Variants in ZNF532 observed in about 807,000 individuals in gnomAD.
The protein encoded by ZNF532 is zinc finger protein 532.
Under a neutral mutation model 89.3 loss-of-function variants are expected in ZNF532, and 22 were observed. That is an observed-to-expected ratio of 0.25 (90% CI 0.18 to 0.35). The LOEUF (loss-of-function observed/expected upper bound fraction) is 0.35, where lower values mean the gene tolerates loss of function less well. ZNF532 is among the 10% of genes least tolerant of loss of function. The pLI is 1.00. For missense variants in ZNF532, 1,132 were observed against 1,643.4 expected (o/e 0.69, Z 5.38); for synonymous variants, 606 against 649.6 (o/e 0.93, Z 1.02).
intron 2 of ZNF532, among the ~76,000 whole-genome samples, chr18:58,888,741 T>TTTTATATATATATAAAATATATAA (rs1555709058): frequency 3.3e-5 from 1 of 30,444 alleles, no homozygotes; most frequent in Admixed American, 6.7e-4. Context: ...TATATATATA[T>TTTTATATATATATAAAATATATAA]TTTATATATA....
At chr18:58,897,688 C>T (rs1224450627) in intron 2 of ZNF532, among the ~76,000 whole-genome samples, 1 of 152,192 alleles carries the variant, frequency 6.6e-6, no homozygotes, top group Non-Finnish European at 1.5e-5. Flanking sequence ...CGCGGTGGCT[C>T]ACACCTGTAA....
chr18:58,891,334 A>T (rs1382324899), intron 2 of ZNF532, among the ~76,000 whole-genome samples: 1 of 152,178 alleles, frequency 6.6e-6, no homozygotes, highest in Admixed American at 6.5e-5. Flanking sequence ...GTTTGAGACA[A>T]GCTTGGCCAA....
At chr18:58,868,269 C>G (rs150245857) in intron 2 of ZNF532, among the ~76,000 whole-genome samples, 1 of 152,170 alleles carries the variant, frequency 6.6e-6, no homozygotes, top group African/African-American at 2.4e-5. Flanking sequence ...CACACACCTT[C>G]GTGTTCATTT....
intron 3 of ZNF532, among the ~76,000 whole-genome samples, chr18:58,929,789 T>C (rs2061800879): frequency 1.3e-5 from 2 of 152,380 alleles, no homozygotes; most frequent in South Asian, 4.1e-4. Flanking sequence ...CCATTTCTGC[T>C]GTATTTGCTT....
intron 7 of ZNF532, among the ~76,000 whole-genome samples, chr18:58,976,723 G>A (rs1435683450): frequency 1.3e-5 from 2 of 152,054 alleles, no homozygotes; most frequent in African/African-American, 2.4e-5. Context: ...AGTAGAGACG[G>A]GGTTTCACCA....
chr18:58,920,027 G>C lies in ZNF532; in HGVS notation c.1740G>C (p.Val580=), dbSNP rs1264353179. The C allele has an allele frequency of 6.2e-7, 1 of 1,613,678 alleles. No homozygotes were observed. Among genetic ancestry groups the C allele is most frequent in the Admixed American group, 1.7e-5 (1 of 59,962 alleles). The change falls in exon 3 of 10, where the codon GTG becomes GTC. Residue 580 remains valine, a synonymous_variant. Transcript: ENST00000591808. ...TGGTGTCGTCCTTGCAGAGTTCTGT[G>C]GTGGAAGCTTTCAACAAGGTGCTGA... is the stretch of plus-strand genomic sequence containing the variant. ...VQVVSSLQSS[V]VEAFNKVLSS... is the part of the protein sequence containing the mutation.
At chr18:58,904,986 T>TG (rs2059838641) in intron 2 of ZNF532, among the ~76,000 whole-genome samples, 1 of 151,728 alleles carries the variant, frequency 6.6e-6, no homozygotes, top group African/African-American at 2.4e-5. Context: ...AGACTACAGG[T>TG]GCGTGACACC....
At chr18:58,880,360 T>C (rs138136754) in intron 2 of ZNF532, among the ~76,000 whole-genome samples, 3 of 152,296 alleles carry the variant, frequency 2.0e-5, no homozygotes, top group African/African-American at 7.2e-5. Flanking sequence ...GTCATCTTAT[T>C]ATCCCACTTT....
At position 58,934,628 on chromosome 18, in the gene ZNF532, T is replaced by G. The variant is rs750220671; in HGVS notation, c.2528+14T>G. Reference sequence around the variant, plus strand: ...AGTTGGTTTTCGGTCAGTATATCATTCACTTATGTGCAAGTAAAACTCGTT... The same window carrying G: ...AGTTGGTTTTCGGTCAGTATATCATGCACTTATGTGCAAGTAAAACTCGTT... On this transcript the variant is annotated intron_variant, in intron 4 of 9. Coordinates refer to ENST00000591808, the MANE Select transcript of ZNF532 (RefSeq NM_001375912.1). 3.2e-5 allele frequency: 52 copies of G among 1,608,854 alleles called. No homozygotes were observed. Among genetic ancestry groups the G allele is most frequent in the Non-Finnish European group, 4.3e-5 (51 of 1,177,346 alleles).
At position 58,951,228 on chromosome 18, in the gene ZNF532, C is replaced by T. The variant is rs183701273; in HGVS notation, c.2869-2290C>T. On this transcript the variant is annotated intron_variant, in intron 6 of 9. Transcript: ENST00000591808. ...TCTCCTGCCTTGGCCTTCTGAAGTG[C>T]TGGGATTTACAGGCCTGAGCCACTG... Among the ~76,000 whole-genome samples the T allele has an allele frequency of 3.8e-3, 586 of 152,306 alleles. 3 individuals are homozygous for T. Among genetic ancestry groups the T allele is most frequent in the African/African-American group, 0.013 (553 of 41,566 alleles).
intron 2 of ZNF532, among the ~76,000 whole-genome samples, chr18:58,895,531 C>T (rs1361944845): frequency 1.3e-5 from 2 of 152,224 alleles, no homozygotes; most frequent in African/African-American, 4.8e-5. Flanking sequence ...TTCCTAATGT[C>T]TACAAACATT....
intron 3 of ZNF532, among the ~76,000 whole-genome samples, chr18:58,920,854 T>C (rs2061013396): frequency 6.6e-6 from 1 of 150,414 alleles, no homozygotes; most frequent in Non-Finnish European, 1.5e-5. Flanking sequence ...ATTGTTTTCA[T>C]AGAATAGAAA....
At chr18:58,951,714 A>T (rs1046733674) in intron 6 of ZNF532, among the ~76,000 whole-genome samples, 6 of 127,794 alleles carry the variant, frequency 4.7e-5, no homozygotes, top group African/African-American at 1.8e-4. Context: ...CAGTGGGGAG[A>T]TCTCTGCTCA....
chr18:58,902,821 A>T (rs1474604739), intron 2 of ZNF532, among the ~76,000 whole-genome samples: 1 of 152,026 alleles, frequency 6.6e-6, no homozygotes, highest in East Asian at 1.9e-4. Flanking sequence ...GCCGATACCT[A>T]GAGTAGGACT....
chr18:58,890,323 C>CTATATATAA (rs2058798861), intron 2 of ZNF532, among the ~76,000 whole-genome samples: 1 of 150,742 alleles, frequency 6.6e-6, no homozygotes, highest in Non-Finnish European at 1.5e-5. Flanking sequence ...AATTAAGTAC[C>CTATATATAA]CTGGTTAGTA....
intron 2 of ZNF532, among the ~76,000 whole-genome samples, chr18:58,890,466 A>G (rs1369698867): frequency 2.0e-5 from 3 of 151,422 alleles, no homozygotes; most frequent in African/African-American, 7.3e-5. Context: ...TATCTCCTTA[A>G]TGACTTCTGG....
chr18:58,911,853 G>A (rs909763160), intron 2 of ZNF532, among the ~76,000 whole-genome samples: 4 of 152,232 alleles, frequency 2.6e-5, no homozygotes, highest in African/African-American at 4.8e-5. Flanking sequence ...AGCTCTCACT[G>A]TAGCTGAGCT....
chr18:58,962,477 C>A (rs145582356), intron 7 of ZNF532, among the ~76,000 whole-genome samples: 19 of 152,234 alleles, frequency 1.2e-4, no homozygotes, highest in Admixed American at 2.6e-4. Flanking sequence ...AGGAAGGCTA[C>A]AGGGGGAGCA....
intron 2 of ZNF532, among the ~76,000 whole-genome samples, chr18:58,902,934 G>A (rs185590511): frequency 3.9e-5 from 6 of 152,116 alleles, no homozygotes; most frequent in East Asian, 3.9e-4. Context: ...GAATCCCCTC[G>A]TTTTTCTTTT....
Sources: allele counts gnomAD v4.1 joint callset (sites outside exome capture counted in the v4.1 genomes callset), GRCh38; gene constraint gnomAD v4.1.1; transcripts MANE v1.5; gene names NCBI Gene and HGNC (gene_info 2026-07-23, HGNC 2026-07-21).